PKD1L1: variants seen among roughly 807,000 people sequenced by gnomAD.
The protein encoded by PKD1L1 is polycystin-1-like protein 1.
PKD1L1 carries 236 observed loss-of-function variants against 323.4 expected under a neutral mutation model. The ratio of observed to expected loss-of-function variants is 0.73; its 90% confidence interval spans 0.66 to 0.81. The LOEUF (loss-of-function observed/expected upper bound fraction) is 0.81. Among genes scored for constraint, PKD1L1 ranks in the 40% least tolerant of loss-of-function variants. The pLI is 0.00. For synonymous variants in PKD1L1, 1,344 were observed against 1,335.0 expected, an observed-to-expected ratio of 1.01 and a Z score of -0.15; for missense variants, 3,320 against 3,508.0, an observed-to-expected ratio of 0.95 and a Z score of 1.35.
intron 7 of PKD1L1, among the ~76,000 whole-genome samples, chr7:47,921,874 T>TCCCTCTC (rs901285464): frequency 3.3e-5 from 5 of 151,722 alleles, no homozygotes; most frequent in Non-Finnish European, 7.4e-5. Context: ...CACTCCTCTC[T>TCCCTCTC]CCCTCTCCCC....
chr7:47,880,882 TG>T, intron 20 of PKD1L1, 77 bp from the exon 21 acceptor site: 1 of 1,157,098 alleles, frequency 8.6e-7, no homozygotes, highest in Non-Finnish European at 1.2e-6. Context: ...TCCTTGGAAA[TG>T]AGTTCCACTC....
intron 1 of PKD1L1, among the ~76,000 whole-genome samples, chr7:47,944,930 T>C (rs1378792599): frequency 1.3e-5 from 2 of 152,158 alleles, no homozygotes; most frequent in African/African-American, 2.4e-5. Flanking sequence ...AAATGGATGG[T>C]GTGATTTGGG....
At chr7:47,793,219 A>G (rs547995098) in intron 55 of PKD1L1, among the ~76,000 whole-genome samples, 157 of 152,286 alleles carry the variant, frequency 1.0e-3, no homozygotes, top group African/African-American at 3.6e-3. Flanking sequence ...ATCAAAATGT[A>G]CAGTACCGTG....
At chr7:47,813,336 C>A (rs373793267) in intron 48 of PKD1L1, 43 bp from the exon 49 acceptor site, 2 of 1,605,156 alleles carry the variant, frequency 1.2e-6, no homozygotes, top group African/African-American at 1.3e-5. Flanking sequence ...ATACTATTCC[C>A]AAGGCTACCC....
At chr7:47,830,200 C>A in intron 42 of PKD1L1, 76 bp from the exon 43 acceptor site, 1 of 1,263,166 alleles carries the variant, frequency 7.9e-7, no homozygotes, top group Non-Finnish European at 1.1e-6. Flanking sequence ...TGCCTAAGCA[C>A]AGGGACACTG....
intron 45 of PKD1L1, among the ~76,000 whole-genome samples, chr7:47,824,553 T>A (rs374260651): frequency 7.2e-5 from 11 of 152,334 alleles, no homozygotes; most frequent in African/African-American, 2.6e-4. Context: ...ATTTTTAACC[T>A]TAACACAGAT....
intron 12 of PKD1L1, 34 bp downstream of exon 12, chr7:47,904,344 G>A (rs370536972): frequency 1.1e-4 from 178 of 1,612,992 alleles, no homozygotes; most frequent in South Asian, 5.9e-4. Flanking sequence ...CGCGCTGTCT[G>A]TAGAGAGCAC....
At chr7:47,870,173 C>CA (rs554197948) in intron 24 of PKD1L1, among the ~76,000 whole-genome samples, 98 of 116,386 alleles carry the variant, frequency 8.4e-4, no homozygotes, top group African/African-American at 2.9e-3. Context: ...CCTTAAGAAA[C>CA]AACAACAACA....
At chr7:47,865,578 T>A in intron 25 of PKD1L1, among the ~76,000 whole-genome samples, 2 of 148,874 alleles carry the variant, frequency 1.3e-5, no homozygotes, top group South Asian at 4.2e-4. Context: ...ATTATTTTAT[T>A]TTATTTTATT....
the PKD1L1 span, among the ~76,000 whole-genome samples, chr7:47,955,989 G>A: frequency 6.6e-6 from 1 of 152,184 alleles, no homozygotes; most frequent in Non-Finnish European, 1.5e-5. Context: ...CCGTATGAAA[G>A]TACAGAATTC....
In PKD1L1 at chr7:47,857,595, C is replaced by A; in HGVS notation, c.4590+10G>T. The A allele has an allele frequency of 6.2e-7, 1 of 1,607,414 alleles. No homozygotes were observed. The highest frequency in any genetic ancestry group is 1.1e-5 in the South Asian group (1 of 90,586). On this transcript the variant is annotated intron_variant, in intron 28 of 56. Coordinates refer to ENST00000289672, the MANE Select transcript of PKD1L1 (RefSeq NM_138295.5). ...TCATTAGAAGTGGCAGGTCATCTGT[C>A]AGCTTGTACCTGCCCAGGAGCTTGG... is the stretch of plus-strand genomic sequence containing the variant.
chr7:47,791,856 G>T (rs1786956158), intron 56 of PKD1L1, among the ~76,000 whole-genome samples: 1 of 152,162 alleles, frequency 6.6e-6, no homozygotes, highest in African/African-American at 2.4e-5. Flanking sequence ...TCTCAGGGAA[G>T]TTACCACTGG....
At chr7:47,775,205 C>G in intron 56 of PKD1L1, 39 bp from the exon 57 acceptor site, 1 of 1,613,060 alleles carries the variant, frequency 6.2e-7, no homozygotes, top group Non-Finnish European at 8.5e-7. Flanking sequence ...AAACAACACC[C>G]CTCTCTCAGT....
At chr7:47,923,684 AAAT>A (rs1356587000) in intron 7 of PKD1L1, among the ~76,000 whole-genome samples, 1 of 151,780 alleles carries the variant, frequency 6.6e-6, no homozygotes, top group East Asian at 1.9e-4. Context: ...AAAAATAAAT[AAAT>A]AAATAAAATC....
chr7:47,883,476 C>A (rs1786610478), intron 19 of PKD1L1, among the ~76,000 whole-genome samples: 2 of 152,206 alleles, frequency 1.3e-5, no homozygotes, highest in East Asian at 1.9e-4. Context: ...CCAAAAAAAA[C>A]CTTGGCTTAA....
chr7:47,895,533 T>C (rs1417279694), intron 14 of PKD1L1, among the ~76,000 whole-genome samples: 2 of 152,180 alleles, frequency 1.3e-5, no homozygotes, highest in African/African-American at 2.4e-5. Context: ...GAATTTCAGT[T>C]GAATGCATTA....
At chr7:47,944,262 C>G (rs538102035) in intron 1 of PKD1L1, among the ~76,000 whole-genome samples, 63 of 152,178 alleles carry the variant, frequency 4.1e-4, no homozygotes, top group South Asian at 3.7e-3. Context: ...TGTGTGGTAT[C>G]TCCTCCCCTC....
At chr7:47,902,339 A>C in intron 13 of PKD1L1, 40 bp downstream of exon 13, 1 of 1,608,044 alleles carries the variant, frequency 6.2e-7, no homozygotes, top group Non-Finnish European at 8.5e-7. Context: ...AGGGAGGCTG[A>C]AAAGAGGCTG....
rs779879702 is a variant in PKD1L1 at position 47,885,730 on chromosome 7, G to A, written c.3161C>T (p.Ser1054Phe). Reference sequence around the variant, plus strand: ...GCTGTGGGTGGGCTGACTTCTCTCAGAGCGGCCAGTCATCAGGGATCCCTT... The same window carrying A: ...GCTGTGGGTGGGCTGACTTCTCTCAAAGCGGCCAGTCATCAGGGATCCCTT... ...QSKGSLMTGR[S>F]ERSQPTHSPD... is the part of the protein sequence containing the mutation. The change falls in exon 18 of 57, where the codon TCT becomes TTT. Residue 1054 changes from serine to phenylalanine, a missense_variant. Physicochemically the swap from Ser to Phe is radical, Grantham distance 155. Transcript: ENST00000289672. The A allele has an allele frequency of 1.2e-6, 2 of 1,613,994 alleles. No individual in the cohort carries two copies. Among genetic ancestry groups the A allele is most frequent in the Non-Finnish European group, 1.7e-6 (2 of 1,180,002 alleles).
Sources: gnomAD v4.1 joint callset for allele counts (sites outside exome capture counted in the v4.1 genomes callset) on GRCh38, gnomAD v4.1.1 for gene constraint, MANE v1.5 for transcripts, NCBI Gene and HGNC (gene_info 2026-07-23, HGNC 2026-07-21) for gene names.